SV2B: variants seen among roughly 807,000 people sequenced by gnomAD.
SV2B encodes synaptic vesicle glycoprotein 2B, also known as solute carrier family 22 member B2.
Under a neutral mutation model 73.9 loss-of-function variants are expected in SV2B, and 41 were observed. That is an observed-to-expected ratio of 0.56 (90% CI 0.43 to 0.72). The LOEUF (loss-of-function observed/expected upper bound fraction) is 0.72. Among genes scored for constraint, SV2B ranks in the 30% least tolerant of loss-of-function variants. The probability of loss-of-function intolerance (pLI) is 0.00; values close to 1 mark genes in which losing one functional copy is unlikely to be tolerated. For missense variants in SV2B, 764 were observed against 857.8 expected (o/e 0.89, Z 1.37); for synonymous variants, 314 against 314.2 (o/e 1.00, Z 0.01).
intron 1 of SV2B, among the ~76,000 whole-genome samples, chr15:91,145,024 G>T (rs1267531523): frequency 6.6e-6 from 1 of 151,974 alleles, no homozygotes; most frequent in Non-Finnish European, 1.5e-5. Flanking sequence ...TACATGCGCA[G>T]GTCTGTTATA....
chr15:91,209,790 A>C (rs771162620), intron 1 of SV2B, among the ~76,000 whole-genome samples: 1 of 152,226 alleles, frequency 6.6e-6, no homozygotes, highest in African/African-American at 2.4e-5. Context: ...ATCGTGAGTG[A>C]GAAGCTCCTG....
Position 91,122,974 on chromosome 15 carries a change from T to G in SV2B, c.-392+22611T>G, listed in dbSNP as rs139387510. On this transcript the variant is annotated intron_variant, in intron 1 of 12. Transcript: ENST00000394232. The surrounding 1 kb of genome is among the most constrained non-coding windows in gnomAD (Gnocchi z 4.3). ...CTATAGTTAATAACAATGTATTGTA[T>G]TCTTGAAAATTGCTGGTCAGGTGTG... is the stretch of plus-strand genomic sequence containing the variant. 1.4e-3 allele frequency among the ~76,000 whole-genome samples: 219 copies of G among 152,296 alleles called. 1 individual carries two copies. The highest frequency in any genetic ancestry group is 5.2e-3 in the African/African-American group (215 of 41,576).
At position 91,299,996 on chromosome 15, in the gene SV2B, T is replaced by C. The variant is rs2049388216; in HGVS notation, c.*7444T>C. ...GAAGTTCATGGAGATATTTTTGACATGTAAAAGTAGAAAACAAACCATCCA... is the reference window on the plus strand; with the variant it reads ...GAAGTTCATGGAGATATTTTTGACACGTAAAAGTAGAAAACAAACCATCCA... On this transcript the variant is annotated 3_prime_UTR_variant, in exon 13 of 13. Coordinates refer to ENST00000394232, the MANE Select transcript of SV2B (RefSeq NM_001323032.3). 6.6e-6 allele frequency: 1 copy of C among 152,142 alleles called. No homozygotes were observed. Among genetic ancestry groups the C allele is most frequent in the Non-Finnish European group, 1.5e-5 (1 of 68,038 alleles). The allele number at this position is 152,142 out of a possible 1,614,324, so 9.4% of individuals were successfully genotyped here.
chr15:91,226,282 C>G lies in SV2B; in HGVS notation c.19C>G (p.Gln7Glu). Residue 7 changes from glutamine (Q) to glutamate (E), a missense_variant, in exon 2 of 13, where the codon CAG becomes GAG. Gln to Glu is a conservative substitution (Grantham distance 29, BLOSUM62 2). Transcript: ENST00000394232. ...CCAAGGAATGGATGACTACAAGTAT[C>G]AGGACAATTATGGGGGCTATGCTCC... is the stretch of plus-strand genomic sequence containing the variant. MDDYKY[Q>E]DNYGGYAPSD... 1 of 1,614,124 alleles carries G rather than the reference C, an allele frequency of 6.2e-7. No individual in the cohort carries two copies. Among genetic ancestry groups the G allele is most frequent in the Non-Finnish European group, 8.5e-7 (1 of 1,180,018 alleles).
chr15:91,254,894 C>T (rs1450284114), intron 4 of SV2B, among the ~76,000 whole-genome samples: 1 of 152,216 alleles, frequency 6.6e-6, no homozygotes, highest in Non-Finnish European at 1.5e-5. Flanking sequence ...CCCGCCCTCA[C>T]ACTTGACCAA....
intron 1 of SV2B, among the ~76,000 whole-genome samples, chr15:91,158,072 C>A (rs1174778385): frequency 1.3e-5 from 2 of 152,144 alleles, no homozygotes; most frequent in African/African-American, 4.8e-5. Flanking sequence ...AGTTTGTTTA[C>A]CTGTTGCTGT....
chr15:91,180,860 A>G (rs1184557740), intron 1 of SV2B, among the ~76,000 whole-genome samples: 1 of 152,180 alleles, frequency 6.6e-6, no homozygotes, highest in African/African-American at 2.4e-5. Flanking sequence ...AGCTCGGAGT[A>G]GTTTGATCGT....
At chr15:91,187,662 T>A (rs1365308954) in intron 1 of SV2B, among the ~76,000 whole-genome samples, 1 of 72,268 alleles carries the variant, frequency 1.4e-5, no homozygotes, top group East Asian at 2.4e-3. Flanking sequence ...TATGTTTTGT[T>A]TTTTTTTTTT....
Position 91,239,213 on chromosome 15 carries a change from G to A in SV2B, c.451+12499G>A, listed in dbSNP as rs1161198071. Among the ~76,000 whole-genome samples, 1 of 152,060 alleles carries A rather than the reference G, an allele frequency of 6.6e-6. No homozygotes were observed. Among genetic ancestry groups the A allele is most frequent in the African/African-American group, 2.4e-5 (1 of 41,392 alleles). On this transcript the variant is annotated intron_variant, in intron 2 of 12. Transcript: ENST00000394232. This position sits in a 1 kb window ranked among gnomAD's most constrained non-coding sequence, Gnocchi z 5.1. ...GGCTGGCCTGGCTGCTTGAATGTGT[G>A]GAGTGTACGCTTTCTGTTTCACCAC...
intron 1 of SV2B, among the ~76,000 whole-genome samples, chr15:91,205,370 CTT>C (rs869061452): frequency 1.4e-4 from 20 of 142,614 alleles, no homozygotes; most frequent in Admixed American, 1.4e-4. Flanking sequence ...GATAACATTT[CTT>C]TTTTTTTTTT....
rs888065058 is a variant in SV2B, at chr15:91,253,108, T to C, written c.784+588T>C. 2.6e-5 allele frequency among the ~76,000 whole-genome samples: 4 copies of C among 152,246 alleles called. No individual in the cohort carries two copies. The highest frequency in any genetic ancestry group is 1.9e-4 in the East Asian group (1 of 5,202). On this transcript the variant is annotated intron_variant, in intron 4 of 12. Coordinates refer to ENST00000394232, the MANE Select transcript of SV2B (RefSeq NM_001323032.3). This position sits in a 1 kb window ranked among gnomAD's most constrained non-coding sequence, Gnocchi z 5.0. Reference sequence around the variant, plus strand: ...GGGACAATTTTATTTTCCTGGATAATTGTAAACACTATTCTCTGGACAGAG... The same window carrying C: ...GGGACAATTTTATTTTCCTGGATAACTGTAAACACTATTCTCTGGACAGAG...
At chr15:91,275,980 T>G (rs1381279770) in intron 9 of SV2B, among the ~76,000 whole-genome samples, 2 of 152,176 alleles carry the variant, frequency 1.3e-5, no homozygotes, top group Non-Finnish European at 2.9e-5. Context: ...CAATACATTT[T>G]CTCAGTATTT....
At chr15:91,230,587 G>C (rs1425395944) in intron 2 of SV2B, among the ~76,000 whole-genome samples, 3 of 152,208 alleles carry the variant, frequency 2.0e-5, no homozygotes, top group African/African-American at 4.8e-5. Flanking sequence ...AAAAAGATCT[G>C]TGAGTATATT....
At chr15:91,162,403 TG>T (rs1470976779) in intron 1 of SV2B, among the ~76,000 whole-genome samples, 23 of 152,302 alleles carry the variant, frequency 1.5e-4, no homozygotes, top group African/African-American at 5.1e-4. Context: ...TAGCAAAAAA[TG>T]TAATATTATG....
intron 1 of SV2B, among the ~76,000 whole-genome samples, chr15:91,186,782 G>A (rs998903128): frequency 6.6e-6 from 1 of 152,084 alleles, no homozygotes; most frequent in Non-Finnish European, 1.5e-5. Context: ...TTGGGTAATG[G>A]CTACACTAAA....
intron 1 of SV2B, among the ~76,000 whole-genome samples, chr15:91,111,149 T>C (rs1254019317): frequency 2.6e-5 from 4 of 152,152 alleles, no homozygotes; most frequent in Non-Finnish European, 5.9e-5. Flanking sequence ...TGGCTCAGCA[T>C]GCAGCATCTC....
chr15:91,182,937 C>T (rs2044637731), intron 1 of SV2B, among the ~76,000 whole-genome samples: 1 of 152,204 alleles, frequency 6.6e-6, no homozygotes, highest in Admixed American at 6.5e-5. Context: ...TTAAGATTTG[C>T]ACTCCCTCTT....
At position 91,197,414 on chromosome 15, in the gene SV2B, G is replaced by A. The variant is rs972245363; in HGVS notation, c.-391-28459G>A. 1.3e-5 allele frequency among the ~76,000 whole-genome samples: 2 copies of A among 151,478 alleles called. No homozygotes were observed. The highest frequency in any genetic ancestry group is 2.9e-5 in the Non-Finnish European group (2 of 67,884). ...TGTTTTTATATTTTTTGTAGAGATGGGGTTTCTCCATGTTGGTCAGGCTGG... is the reference window on the plus strand; with the variant it reads ...TGTTTTTATATTTTTTGTAGAGATGAGGTTTCTCCATGTTGGTCAGGCTGG... On this transcript the variant is annotated intron_variant, in intron 1 of 12. Transcript: ENST00000394232. The surrounding 1 kb of genome is among the most constrained non-coding windows in gnomAD (Gnocchi z 4.9).
In SV2B at chr15:91,187,847, G is replaced by A. The variant is rs184146112; in HGVS notation, c.-391-38026G>A. Among the ~76,000 whole-genome samples, 8 of 152,158 alleles carry A rather than the reference G, an allele frequency of 5.3e-5. No homozygotes were observed. In the East Asian group the frequency reaches 1.5e-3, roughly 29 times the overall value. On this transcript the variant is annotated intron_variant, in intron 1 of 12. Coordinates refer to ENST00000394232, the MANE Select transcript of SV2B (RefSeq NM_001323032.3). The stretch of plus-strand genomic sequence containing the variant: ...TGACTATATTTCTTTTAAGCATGGT[G>A]TTTTGGTCCTTTTGAAGAAAGAACT...
Sources: allele counts gnomAD v4.1 joint callset (sites outside exome capture counted in the v4.1 genomes callset), GRCh38; gene constraint gnomAD v4.1.1; non-coding constraint Gnocchi (gnomAD v3.1); transcripts MANE v1.5; gene names NCBI Gene and HGNC (gene_info 2026-07-23, HGNC 2026-07-21).